RABGAP1L: variants seen among roughly 807,000 people sequenced by gnomAD.
The protein encoded by RABGAP1L is RAB GTPase activating protein 1 like, also known as rab GTPase-activating protein 1-like.
RABGAP1L carries 63 observed loss-of-function variants against 137.7 expected under a neutral mutation model. The ratio of observed to expected loss-of-function variants is 0.46; its 90% CI spans 0.37 to 0.56. The LOEUF is 0.56. RABGAP1L is among the 20% of genes least tolerant of loss of function. RABGAP1L has a pLI of 0.00. For missense variants in RABGAP1L, 1,095 were observed against 1,244.0 expected, an observed-to-expected ratio of 0.88 and a Z score of 1.80; for synonymous variants, 431 against 433.7, an observed-to-expected ratio of 0.99 and a Z score of 0.08.
At chr1:174,543,659 C>T (rs1241350502) in intron 13 of RABGAP1L, among the ~76,000 whole-genome samples, 1 of 152,116 alleles carries the variant, frequency 6.6e-6, no homozygotes, top group Non-Finnish European at 1.5e-5. Context: ...GGTTATTTTG[C>T]TCGTTAGTTG....
chr1:174,750,084 T>C (rs1573023335), intron 17 of RABGAP1L, among the ~76,000 whole-genome samples: 1 of 152,150 alleles, frequency 6.6e-6, no homozygotes, highest in Non-Finnish European at 1.5e-5. Context: ...TTAGCCAGGA[T>C]GGTCTCGATC....
At chr1:174,172,373 A>G (rs1275883334) in intron 1 of RABGAP1L, among the ~76,000 whole-genome samples, 1 of 152,196 alleles carries the variant, frequency 6.6e-6, no homozygotes, top group Admixed American at 6.5e-5. Flanking sequence ...TACCCAGCAG[A>G]GGGATTGCTG....
intron 19 of RABGAP1L, among the ~76,000 whole-genome samples, chr1:174,908,331 A>G (rs773491290): frequency 6.6e-6 from 1 of 152,144 alleles, no homozygotes; most frequent in Non-Finnish European, 1.5e-5. Context: ...ATTTCACCCA[A>G]CTGCTGCAGA....
At chr1:174,329,323 A>G (rs530482382) in intron 11 of RABGAP1L, among the ~76,000 whole-genome samples, 1 of 152,350 alleles carries the variant, frequency 6.6e-6, no homozygotes, top group South Asian at 2.1e-4. Context: ...GATGTTGAGT[A>G]GCAAGATTGA....
At chr1:174,199,008 T>C (rs530196362) in intron 1 of RABGAP1L, among the ~76,000 whole-genome samples, 2 of 152,266 alleles carry the variant, frequency 1.3e-5, no homozygotes, top group African/African-American at 2.4e-5. Context: ...CTCGGGAGGC[T>C]GAGGCAGTAG....
intron 13 of RABGAP1L, among the ~76,000 whole-genome samples, chr1:174,596,456 G>C (rs918622304): frequency 3.6e-4 from 54 of 152,070 alleles, no homozygotes; most frequent in Non-Finnish European, 6.9e-4. Flanking sequence ...GTTATTCCTA[G>C]ATAATTTATT....
chr1:174,685,962 T>C (rs960206256), intron 15 of RABGAP1L, among the ~76,000 whole-genome samples: 1 of 152,200 alleles, frequency 6.6e-6, no homozygotes, highest in African/African-American at 2.4e-5. Flanking sequence ...AGATTAATGC[T>C]GGAGGAGAAA....
At chr1:174,832,292 CAAAAAAG>C (rs1692189968) in intron 19 of RABGAP1L, among the ~76,000 whole-genome samples, 1 of 110,618 alleles carries the variant, frequency 9.0e-6, no homozygotes, top group African/African-American at 3.3e-5. Flanking sequence ...GACTCTATCT[CAAAAAAG>C]AAAAAAGAAA....
chr1:174,373,076 T>C (rs2149006147), intron 12 of RABGAP1L, among the ~76,000 whole-genome samples: 1 of 152,358 alleles, frequency 6.6e-6, no homozygotes, highest in African/African-American at 2.4e-5. Flanking sequence ...GCAAGCATTG[T>C]CCACCTAAAT....
intron 15 of RABGAP1L, among the ~76,000 whole-genome samples, chr1:174,690,913 G>T (rs1289032697): frequency 6.8e-6 from 1 of 147,824 alleles, no homozygotes; most frequent in African/African-American, 2.5e-5. Context: ...GCTCACTGTA[G>T]CCTCTTCTCC....
chr1:174,858,161 T>C (rs1649629674), intron 19 of RABGAP1L, among the ~76,000 whole-genome samples: 1 of 152,062 alleles, frequency 6.6e-6, no homozygotes, highest in Non-Finnish European at 1.5e-5. Context: ...TACAGGCATG[T>C]GCCACCATGC....
chr1:174,680,327 A>G (rs1323069754), intron 14 of RABGAP1L, among the ~76,000 whole-genome samples: 1 of 152,182 alleles, frequency 6.6e-6, no homozygotes, highest in Non-Finnish European at 1.5e-5. Flanking sequence ...TGCTTTAATA[A>G]AAGAGGCCGG....
intron 14 of RABGAP1L, among the ~76,000 whole-genome samples, chr1:174,654,615 G>A (rs1258137781): frequency 1.3e-5 from 2 of 151,784 alleles, no homozygotes; most frequent in Non-Finnish European, 2.9e-5. Flanking sequence ...CTTGTAATGA[G>A]GACATTACAA....
intron 18 of RABGAP1L, among the ~76,000 whole-genome samples, chr1:174,768,319 G>T (rs6692753): frequency 0.078 from 11,926 of 152,170 alleles, 646 homozygotes; most frequent in East Asian, 0.31. Context: ...TAACATAATG[G>T]TTGTAGCTTG....
At chr1:174,875,382 T>C (rs1163965334) in intron 19 of RABGAP1L, 2 of 217,490 alleles carry the variant, frequency 9.2e-6, no homozygotes, top group African/African-American at 4.7e-5. Flanking sequence ...ATGGTTACGC[T>C]GAATGCACTC....
rs1672637570 is a variant in RABGAP1L, at chr1:174,250,594, C to T, written c.837C>T (p.Ser279=). ...PDSDVFTFSV[S]LEVKEDDGKG... ...GTGATGTGTTTACCTTCAGTGTCTC[C>T]TTGGAGGTAAAAGAAGACGATGGAA... Residue 279 remains serine, a synonymous_variant, in exon 6 of 26, where the codon TCC becomes TCT. Transcript: ENST00000681986. 6.2e-7 allele frequency: 1 copy of T among 1,613,330 alleles called. No homozygotes were observed. Among genetic ancestry groups the T allele is most frequent in the Non-Finnish European group, 8.5e-7 (1 of 1,179,736 alleles).
At chr1:174,892,732 C>T (rs6697561) in intron 19 of RABGAP1L, 95,962 of 385,164 alleles carry the variant, frequency 0.25, 13,527 homozygotes, top group African/African-American at 0.63. Flanking sequence ...TGTTTTCTTT[C>T]TTTTTTTTTT....
chr1:174,837,201 C>G (rs1013898868), intron 19 of RABGAP1L, among the ~76,000 whole-genome samples: 1 of 119,590 alleles, frequency 8.4e-6, no homozygotes, highest in Non-Finnish European at 1.8e-5. Flanking sequence ...GAGCAAAACT[C>G]GGTCTCAAAA....
chr1:174,278,104 T>C (rs1675151909), intron 9 of RABGAP1L, among the ~76,000 whole-genome samples: 1 of 152,064 alleles, frequency 6.6e-6, no homozygotes, highest in Admixed American at 6.6e-5. Flanking sequence ...AGGCCATAGA[T>C]TCAAAAACCT....
Sources: allele counts gnomAD v4.1 joint callset (sites outside exome capture counted in the v4.1 genomes callset), GRCh38; gene constraint gnomAD v4.1.1; transcripts MANE v1.5; gene names NCBI Gene and HGNC (gene_info 2026-07-23, HGNC 2026-07-21).